Variants in FSTL5 observed in about 807,000 individuals in gnomAD.
FSTL5 encodes the protein follistatin like 5, also known as follistatin-related protein 5.
In FSTL5, 62 loss-of-function variants were observed where a neutral mutation model predicts 89.1. That is an observed-to-expected ratio of 0.70 (90% CI 0.57 to 0.86). The LOEUF (loss-of-function observed/expected upper bound fraction) is 0.86, where lower values mean the gene tolerates loss of function less well. Ranked by LOEUF, FSTL5 falls within the 40% of genes least tolerant of loss-of-function variation. The probability of loss-of-function intolerance (pLI) is 0.00; values close to 1 mark genes in which losing one functional copy is unlikely to be tolerated. For missense variants in FSTL5, 1,057 were observed against 1,001.6 expected (o/e 1.06, Z -0.75); for synonymous variants, 383 against 346.2 (o/e 1.11, Z -1.18).
At chr4:161,619,597 A>G (rs965356507) in intron 7 of FSTL5, among the ~76,000 whole-genome samples, 4 of 152,250 alleles carry the variant, frequency 2.6e-5, no homozygotes, top group Non-Finnish European at 4.4e-5. Flanking sequence ...AATGCTCACC[A>G]TCACTGGCTA....
intron 4 of FSTL5, among the ~76,000 whole-genome samples, chr4:161,802,365 A>G (rs1729825468): frequency 6.6e-6 from 1 of 151,756 alleles, no homozygotes; most frequent in Non-Finnish European, 1.5e-5. Context: ...TATTTGTCTG[A>G]ATCGAACACA....
intron 7 of FSTL5, among the ~76,000 whole-genome samples, chr4:161,590,752 G>A (rs1378722052): frequency 6.6e-6 from 1 of 152,136 alleles, no homozygotes; most frequent in African/African-American, 2.4e-5. Context: ...TGCAAGTGTT[G>A]GAGAGGATGT....
chr4:162,132,707 C>T (rs1272159754), intron 1 of FSTL5, among the ~76,000 whole-genome samples: 1 of 152,096 alleles, frequency 6.6e-6, no homozygotes, highest in East Asian at 1.9e-4. Context: ...GAAGAAGAAG[C>T]TGCACTCAAA....
rs541954860 is a variant in FSTL5 at position 161,573,005 on chromosome 4, C to T, written c.1015+14450G>A. Among the ~76,000 whole-genome samples, 5 of 152,252 alleles carry T rather than the reference C, an allele frequency of 3.3e-5. No individual in the cohort carries two copies. The East Asian group carries it at 7.7e-4, about 23-fold the overall frequency. On this transcript the variant is annotated intron_variant, in intron 8 of 15. Coordinates refer to ENST00000306100, the MANE Select transcript of FSTL5 (RefSeq NM_020116.5). ...AAAAAAGAGACCCTTAGAACGGTGG[C>T]CTAAACAAGATGTAAGTAAACAAGC...
chr4:161,638,436 C>T (rs1250806657), intron 7 of FSTL5, among the ~76,000 whole-genome samples: 2 of 152,104 alleles, frequency 1.3e-5, no homozygotes, highest in Non-Finnish European at 2.9e-5. Flanking sequence ...TTCCTCTTTT[C>T]CTAATTGAAT....
In FSTL5 at chr4:161,932,339, C is replaced by T. The variant is rs142564334; in HGVS notation, c.161-11687G>A. On this transcript the variant is annotated intron_variant, in intron 3 of 15. Transcript: ENST00000306100. ...GAGACTATTTTTAAATCTAAAATTG[C>T]CAAGATCTTTAGTTTTTTGTTAGAT... 3.4e-4 allele frequency among the ~76,000 whole-genome samples: 52 copies of T among 151,766 alleles called. 1 individual carries two copies. Among genetic ancestry groups the T allele is most frequent in the African/African-American group, 1.2e-3 (50 of 41,454 alleles).
intron 12 of FSTL5, among the ~76,000 whole-genome samples, chr4:161,492,951 T>C (rs1729935202): frequency 1.3e-5 from 2 of 151,962 alleles, no homozygotes; most frequent in South Asian, 4.1e-4. Flanking sequence ...CACTATTTCC[T>C]GTAGTATGTT....
intron 8 of FSTL5, among the ~76,000 whole-genome samples, chr4:161,579,745 G>GAAAAAAAA (rs1280552509): frequency 4.2e-5 from 2 of 48,106 alleles, no homozygotes; most frequent in Non-Finnish European, 5.3e-5. Flanking sequence ...AAAAAAAAAA[G>GAAAAAAAA]AAAGAAAAAG....
intron 4 of FSTL5, among the ~76,000 whole-genome samples, chr4:161,848,036 CAA>C (rs139315536): frequency 0.064 from 3,073 of 47,828 alleles, 35 homozygotes; most frequent in Middle Eastern, 0.095. Context: ...GACTCCGTCT[CAA>C]AAAAAAAAAA....
intron 4 of FSTL5, among the ~76,000 whole-genome samples, chr4:161,876,032 G>A (rs977340733): frequency 1.3e-5 from 2 of 151,956 alleles, no homozygotes; most frequent in Non-Finnish European, 2.9e-5. Flanking sequence ...CTCATTTCTA[G>A]TATAACAACA....
rs558835332 is a variant in FSTL5, at chr4:161,608,364, T to A, written c.895-20789A>T. Among the ~76,000 whole-genome samples the A allele has an allele frequency of 1.2e-4, 19 of 152,240 alleles. No homozygotes were observed. In the South Asian group the frequency reaches 3.9e-3, roughly 32 times the overall value. On this transcript the variant is annotated intron_variant, in intron 7 of 15. Transcript: ENST00000306100. ...TTCACCTCGGTACCAATGGTCAACA[T>A]GTTTTCTTTAATGTGACTGGTAAAT...
At chr4:161,646,419 T>C (rs1736156499) in intron 7 of FSTL5, among the ~76,000 whole-genome samples, 1 of 151,608 alleles carries the variant, frequency 6.6e-6, no homozygotes, top group Admixed American at 6.6e-5. Flanking sequence ...GAAATCTAGA[T>C]ATGATTTGAG....
At chr4:161,599,392 T>A (rs1052781202) in intron 7 of FSTL5, among the ~76,000 whole-genome samples, 1 of 152,100 alleles carries the variant, frequency 6.6e-6, no homozygotes, top group African/African-American at 2.4e-5. Context: ...AACTCAAATA[T>A]GAGCATATTC....
intron 3 of FSTL5, among the ~76,000 whole-genome samples, chr4:162,001,625 T>C (rs1028422052): frequency 6.7e-6 from 1 of 149,992 alleles, no homozygotes; most frequent in African/African-American, 2.5e-5. Flanking sequence ...TGTGTGTGTG[T>C]GTAAGTGTAA....
intron 6 of FSTL5, among the ~76,000 whole-genome samples, chr4:161,705,773 A>G (rs1400311508): frequency 6.6e-6 from 1 of 150,964 alleles, no homozygotes; most frequent in Admixed American, 6.6e-5. Flanking sequence ...CTTCATCATT[A>G]TAAAATATTT....
At chr4:161,741,931 T>C (rs1740043579) in intron 6 of FSTL5, among the ~76,000 whole-genome samples, 1 of 151,976 alleles carries the variant, frequency 6.6e-6, no homozygotes, top group South Asian at 2.1e-4. Flanking sequence ...GCAAGTCCAT[T>C]AAACGCAGCC....
chr4:162,018,580 T>C (rs1157723144), intron 3 of FSTL5, among the ~76,000 whole-genome samples: 1 of 152,152 alleles, frequency 6.6e-6, no homozygotes, highest in African/African-American at 2.4e-5. Context: ...CAGTAAAGCC[T>C]ACTTGTCATA....
rs34014344 is a variant in FSTL5 at position 161,968,969 on chromosome 4, G to GCACACA, written c.161-48323_161-48318dup. Among the ~76,000 whole-genome samples the GCACACA allele has an allele frequency of 5.4e-5, 8 of 146,994 alleles. No individual in the cohort carries two copies. The South Asian group carries it at 1.1e-3, about 20-fold the overall frequency. On this transcript the variant is annotated intron_variant, in intron 3 of 15. Transcript: ENST00000306100. The stretch of plus-strand genomic sequence containing the variant: ...CACACACACACACACACTCACATAA[G>GCACACA]CACACACACACACACACACACATGC...
At chr4:162,004,003 G>GA (rs1316189821) in intron 3 of FSTL5, among the ~76,000 whole-genome samples, 4 of 152,144 alleles carry the variant, frequency 2.6e-5, no homozygotes, top group Non-Finnish European at 5.9e-5. Context: ...TCATAAGTCA[G>GA]AAAAATGTTG....
Sources: gnomAD v4.1 joint callset for allele counts (sites outside exome capture counted in the v4.1 genomes callset) on GRCh38, gnomAD v4.1.1 for gene constraint, MANE v1.5 for transcripts, NCBI Gene and HGNC (gene_info 2026-07-23, HGNC 2026-07-21) for gene names.